Variants in KCND2 observed in about 807,000 individuals in gnomAD.
The protein encoded by KCND2 is potassium voltage-gated channel subfamily D member 2, also known as A-type voltage-gated potassium channel KCND2.
A neutral mutation model predicts 54.4 loss-of-function variants in KCND2; 16 were observed. The observed-to-expected ratio is 0.29, with a 90% CI of 0.20 to 0.45. The LOEUF is 0.45. KCND2 is among the 20% of genes least tolerant of loss of function. The pLI is 1.00. For missense variants in KCND2, 486 were observed against 824.2 expected (o/e 0.59, Z 5.02); for synonymous variants, 317 against 310.7 (o/e 1.02, Z -0.21).
At chr7:120,404,411 C>T (rs1801318625) in intron 1 of KCND2, among the ~76,000 whole-genome samples, 1 of 152,120 alleles carries the variant, frequency 6.6e-6, no homozygotes, top group South Asian at 2.1e-4. Context: ...CTTAATGTCA[C>T]ATTTCTTTAT....
chr7:120,319,070 C>T (rs1563007729), intron 1 of KCND2, among the ~76,000 whole-genome samples: 1 of 152,002 alleles, frequency 6.6e-6, no homozygotes, highest in Non-Finnish European at 1.5e-5. Flanking sequence ...CCTCTCCTTC[C>T]CTATCATAGT....
intron 1 of KCND2, among the ~76,000 whole-genome samples, chr7:120,402,711 A>G (rs1316917931): frequency 6.6e-6 from 1 of 152,190 alleles, no homozygotes; most frequent in Non-Finnish European, 1.5e-5. Context: ...ACTTTTAAAA[A>G]TGTTCCCAGG....
chr7:120,747,570 T>G, intron 5 of KCND2, 111 bp from the exon 6 acceptor site: 1 of 741,684 alleles, frequency 1.3e-6, no homozygotes, highest in Non-Finnish European at 2.3e-6. Context: ...ATAATAACTT[T>G]CCTTAGACAA....
intron 1 of KCND2, among the ~76,000 whole-genome samples, chr7:120,321,266 CATCT>C (rs1799889706): frequency 6.6e-6 from 1 of 152,046 alleles, no homozygotes; most frequent in Admixed American, 6.6e-5. Flanking sequence ...TATACAGTTA[CATCT>C]ATCTATGTTT....
chr7:120,655,629 C>A (rs1187856649), intron 1 of KCND2, among the ~76,000 whole-genome samples: 2 of 151,986 alleles, frequency 1.3e-5, no homozygotes, highest in African/African-American at 4.8e-5. Flanking sequence ...AGTATTTTTA[C>A]AAAAATGTAC....
At chr7:120,543,411 A>G (rs1792006424) in intron 1 of KCND2, among the ~76,000 whole-genome samples, 1 of 152,080 alleles carries the variant, frequency 6.6e-6, no homozygotes, top group South Asian at 2.1e-4. Flanking sequence ...ACACACAAAA[A>G]AAAGAGAAGA....
chr7:120,586,758 G>A (rs143150264), intron 1 of KCND2, among the ~76,000 whole-genome samples: 2,441 of 152,106 alleles, frequency 0.016, 45 homozygotes, highest in Non-Finnish European at 0.022. Context: ...TTTTAAGTAG[G>A]TGTTATAAAT....
At chr7:120,349,255 G>A (rs1045178601) in intron 1 of KCND2, among the ~76,000 whole-genome samples, 19 of 151,292 alleles carry the variant, frequency 1.3e-4, no homozygotes, top group African/African-American at 4.4e-4. Flanking sequence ...GTAGTGAGAC[G>A]GACATGAGAC....
At chr7:120,467,642 A>G (rs1217910151) in intron 1 of KCND2, among the ~76,000 whole-genome samples, 1 of 152,150 alleles carries the variant, frequency 6.6e-6, no homozygotes, top group African/African-American at 2.4e-5. Context: ...TTGTTTGAAA[A>G]TGGTCAATTG....
chr7:120,349,286 C>T (rs1188959140), intron 1 of KCND2, among the ~76,000 whole-genome samples: 1 of 150,230 alleles, frequency 6.7e-6, no homozygotes, highest in Non-Finnish European at 1.5e-5. Flanking sequence ...GCCACCACAT[C>T]TAAGCTGCTA....
rs112914631 is a variant in KCND2, at chr7:120,431,967, G to A, written c.1115+156220G>A. ...CTTCATGCAACAGCATAAATCACTC[G>A]ATGAGTTCTAATTCCTAAAACAAGT... On this transcript the variant is annotated intron_variant, in intron 1 of 5. Transcript: ENST00000331113. 1.2e-4 allele frequency among the ~76,000 whole-genome samples: 18 copies of A among 152,196 alleles called. 1 individual carries two copies. In the East Asian group the frequency reaches 1.7e-3, roughly 15 times the overall value.
intron 1 of KCND2, among the ~76,000 whole-genome samples, chr7:120,708,108 C>T (rs1040530194): frequency 6.6e-6 from 1 of 152,084 alleles, no homozygotes; most frequent in Admixed American, 6.6e-5. Flanking sequence ...AAAGTGACAA[C>T]TCAAAGAGCA....
chr7:120,384,209 TC>T (rs556299414), intron 1 of KCND2, among the ~76,000 whole-genome samples: 2 of 151,406 alleles, frequency 1.3e-5, no homozygotes, highest in African/African-American at 2.4e-5. Flanking sequence ...ATTGTTTTTT[TC>T]CCCCCCAAAT....
chr7:120,553,864 G>T (rs1792130523), intron 1 of KCND2, among the ~76,000 whole-genome samples: 1 of 152,082 alleles, frequency 6.6e-6, no homozygotes, highest in Non-Finnish European at 1.5e-5. Context: ...GTTGTGAATT[G>T]GGCTTCCATA....
At chr7:120,376,553 A>T (rs530190340) in intron 1 of KCND2, among the ~76,000 whole-genome samples, 2 of 150,766 alleles carry the variant, frequency 1.3e-5, no homozygotes, top group South Asian at 2.1e-4. Flanking sequence ...AATATATATG[A>T]TATGTATTTA....
At chr7:120,709,931 C>T (rs1792517392) in intron 1 of KCND2, among the ~76,000 whole-genome samples, 1 of 152,126 alleles carries the variant, frequency 6.6e-6, no homozygotes, top group Non-Finnish European at 1.5e-5. Flanking sequence ...GCCCATACTC[C>T]ATTGTCCCAT....
At chr7:120,649,888 T>A (rs1045103271) in intron 1 of KCND2, among the ~76,000 whole-genome samples, 1 of 152,218 alleles carries the variant, frequency 6.6e-6, no homozygotes, top group Non-Finnish European at 1.5e-5. Context: ...TTAGTTTGGC[T>A]GGATGTGAAA....
At chr7:120,745,232 G>C (rs1040470631) in intron 4 of KCND2, among the ~76,000 whole-genome samples, 8 of 152,076 alleles carry the variant, frequency 5.3e-5, no homozygotes, top group Non-Finnish European at 7.4e-5. Context: ...TCTGTACTGG[G>C]CATTTTTAGA....
chr7:120,465,395 A>G (rs779126299), intron 1 of KCND2, among the ~76,000 whole-genome samples: 2 of 152,036 alleles, frequency 1.3e-5, no homozygotes, highest in Non-Finnish European at 1.5e-5. Flanking sequence ...GCCCTCAGCA[A>G]TGGTTGGAGG....
Sources: gnomAD v4.1 joint callset for allele counts (sites outside exome capture counted in the v4.1 genomes callset) on GRCh38, gnomAD v4.1.1 for gene constraint, MANE v1.5 for transcripts, NCBI Gene and HGNC (gene_info 2026-07-23, HGNC 2026-07-21) for gene names.